The following PDE3A variants were observed in gnomAD, a reference collection of about 807,000 sequenced individuals.
The protein encoded by PDE3A is cGMP-inhibited 3',5'-cyclic phosphodiesterase 3A.
A neutral mutation model predicts 98.3 loss-of-function variants in PDE3A; 43 were observed. The ratio of observed to expected loss-of-function variants is 0.44; its 90% CI spans 0.34 to 0.56. The LOEUF (loss-of-function observed/expected upper bound fraction) is 0.56, where lower values mean the gene tolerates loss of function less well. Ranked by LOEUF, PDE3A falls within the 20% of genes least tolerant of loss-of-function variation. The pLI is 0.01. For synonymous variants in PDE3A, 663 were observed against 567.9 expected (o/e 1.17, Z -2.38); for missense variants, 1,427 against 1,440.7 (o/e 0.99, Z 0.15).
At chr12:20,434,724 C>T (rs929526808) in intron 1 of PDE3A, among the ~76,000 whole-genome samples, 16 of 152,232 alleles carry the variant, frequency 1.1e-4, no homozygotes, top group African/African-American at 3.9e-4. Flanking sequence ...AAATTAAATT[C>T]CCACAATATC....
intron 1 of PDE3A, among the ~76,000 whole-genome samples, chr12:20,377,245 A>G (rs1943588994): frequency 6.6e-6 from 1 of 151,894 alleles, no homozygotes; most frequent in East Asian, 1.9e-4. Context: ...ACTGTCCAGT[A>G]GAAATACAAC....
chr12:20,419,470 T>C (rs1177972386), intron 1 of PDE3A, among the ~76,000 whole-genome samples: 1 of 151,834 alleles, frequency 6.6e-6, no homozygotes, highest in Non-Finnish European at 1.5e-5. Flanking sequence ...TTTTGTTTTT[T>C]GTTTTTTTCA....
chr12:20,665,154 T>A (rs1242090281), intron 15 of PDE3A, among the ~76,000 whole-genome samples: 1 of 152,178 alleles, frequency 6.6e-6, no homozygotes, highest in Non-Finnish European at 1.5e-5. Flanking sequence ...TAAATGTACC[T>A]GCTTGTTCAC....
At chr12:20,650,382 C>T in intron 13 of PDE3A, 63 bp from the exon 14 acceptor site, 1 of 1,043,620 alleles carries the variant, frequency 9.6e-7, no homozygotes, top group Admixed American at 2.1e-5. Context: ...TATTGTTTTT[C>T]TCTTCTATTC....
intron 2 of PDE3A, among the ~76,000 whole-genome samples, chr12:20,578,780 C>T (rs1245634197): frequency 6.6e-6 from 1 of 152,132 alleles, no homozygotes; most frequent in Non-Finnish European, 1.5e-5. Context: ...TGATTATCTT[C>T]TATGATCACC....
intron 2 of PDE3A, chr12:20,571,745 C>G (rs1942805726): frequency 5.8e-6 from 1 of 173,330 alleles, no homozygotes; most frequent in Admixed American, 6.5e-5. Context: ...ATTTGAGTCC[C>G]AGCTCTAAGC....
Position 20,621,793 on chromosome 12 carries a change from A to G in PDE3A, c.1540+382A>G, listed in dbSNP as rs184641687. ...ATATATGAATTCAAGAAAGTGTTTT[A>G]TTTACTACACATGAGCTATGATAAG... On this transcript the variant is annotated intron_variant, in intron 5 of 15. Coordinates refer to ENST00000359062, the MANE Select transcript of PDE3A (RefSeq NM_000921.5). Among the ~76,000 whole-genome samples, 21 of 152,212 alleles carry G rather than the reference A, an allele frequency of 1.4e-4. No individual in the cohort carries two copies. The East Asian group carries it at 4.1e-3, about 29-fold the overall frequency.
chr12:20,642,851 AG>A (rs1002170153), intron 10 of PDE3A, among the ~76,000 whole-genome samples: 167 of 152,344 alleles, frequency 1.1e-3, no homozygotes, highest in African/African-American at 4.0e-3. Context: ...AAATATTTAA[AG>A]TGTTACCTCT....
chr12:20,473,043 TAATG>T (rs1280769932), intron 1 of PDE3A, among the ~76,000 whole-genome samples: 1 of 152,204 alleles, frequency 6.6e-6, no homozygotes, highest in Non-Finnish European at 1.5e-5. Flanking sequence ...GAACAATTGA[TAATG>T]AACATTTAAA....
At chr12:20,464,693 A>T (rs181132861) in intron 1 of PDE3A, among the ~76,000 whole-genome samples, 1 of 152,272 alleles carries the variant, frequency 6.6e-6, no homozygotes, top group East Asian at 1.9e-4. Context: ...ACACTATGCA[A>T]ATTTTCATTT....
intron 2 of PDE3A, among the ~76,000 whole-genome samples, chr12:20,558,825 CA>C (rs1376405968): frequency 6.6e-6 from 1 of 152,090 alleles, no homozygotes; most frequent in African/African-American, 2.4e-5. Context: ...GAACTTCAGA[CA>C]AGTTGCACTT....
chr12:20,541,075 CTTTTTTTTTTTTTTTTTTTTT>C (rs777927679), intron 1 of PDE3A, among the ~76,000 whole-genome samples: 688 of 53,002 alleles, frequency 0.013, 5 homozygotes, highest in Middle Eastern at 0.074. Context: ...TGGTAACTTT[CTTTTTTTTTTTTTTTTTTTTT>C]TTTTTTTTTT....
intron 5 of PDE3A, among the ~76,000 whole-genome samples, chr12:20,626,534 C>T (rs930737539): frequency 2.0e-5 from 3 of 152,026 alleles, no homozygotes; most frequent in South Asian, 4.2e-4. Context: ...CTTGCTCTGT[C>T]GCCCAGGCTG....
intron 2 of PDE3A, among the ~76,000 whole-genome samples, chr12:20,564,372 T>C (rs1470556196): frequency 1.3e-5 from 2 of 151,744 alleles, no homozygotes; most frequent in African/African-American, 4.9e-5. Context: ...ACACTTTATG[T>C]AGGAAAATGA....
At chr12:20,600,972 T>C (rs1356316577) in intron 2 of PDE3A, among the ~76,000 whole-genome samples, 2 of 152,200 alleles carry the variant, frequency 1.3e-5, no homozygotes, top group African/African-American at 4.8e-5. Flanking sequence ...GTTTGGAGTA[T>C]GTTACTTATG....
At chr12:20,676,835 C>T (rs12581970) in intron 15 of PDE3A, among the ~76,000 whole-genome samples, 6,835 of 152,174 alleles carry the variant, frequency 0.045, 267 homozygotes, top group African/African-American at 0.1. Context: ...CAATGCACCA[C>T]GGGGAGGACC....
chr12:20,577,190 A>G (rs1942955087), intron 2 of PDE3A, among the ~76,000 whole-genome samples: 1 of 152,068 alleles, frequency 6.6e-6, no homozygotes, highest in African/African-American at 2.4e-5. Flanking sequence ...GGCTAGAGCC[A>G]AGTTACATGA....
chr12:20,408,198 C>T (rs988653455), intron 1 of PDE3A, among the ~76,000 whole-genome samples: 1 of 152,074 alleles, frequency 6.6e-6, no homozygotes, highest in Non-Finnish European at 1.5e-5. Flanking sequence ...GGATTACAGG[C>T]GTGAGCCACC....
chr12:20,680,509 AAT>A lies in PDE3A; in HGVS notation c.*245_*246del. On this transcript the variant is annotated 3_prime_UTR_variant, in exon 16 of 16. Coordinates refer to ENST00000359062, the MANE Select transcript of PDE3A (RefSeq NM_000921.5). ...GCTTCTAAGGATTTTTTAAGGAGGG[AAT>A]ATATATGTGTGTGTGTATATAAGCT... 2.0e-6 allele frequency: 1 copy of A among 500,806 alleles called. No individual in the cohort carries two copies. 31.0% of individuals were successfully genotyped at this position (500,806 alleles called of 1,614,324 possible).
Sources: gnomAD v4.1 joint callset for allele counts (sites outside exome capture counted in the v4.1 genomes callset) on GRCh38, gnomAD v4.1.1 for gene constraint, MANE v1.5 for transcripts, NCBI Gene and HGNC (gene_info 2026-07-23, HGNC 2026-07-21) for gene names.